Variants in PITPNC1 observed in about 807,000 individuals in gnomAD.
PITPNC1 encodes the protein phosphatidylinositol transfer protein cytoplasmic 1.
A neutral mutation model predicts 44.7 loss-of-function variants in PITPNC1; 18 were observed. The ratio of observed to expected loss-of-function variants is 0.40; its 90% CI spans 0.28 to 0.60. The LOEUF is 0.60. PITPNC1 is among the 20% of genes least tolerant of loss of function. PITPNC1 has a pLI of 0.39. For missense variants in PITPNC1, 290 were observed against 418.4 expected, an observed-to-expected ratio of 0.69 and a Z score of 2.68; for synonymous variants, 141 against 149.6, an observed-to-expected ratio of 0.94 and a Z score of 0.42.
At chr17:67,627,506 T>C (rs907658920) in intron 5 of PITPNC1, among the ~76,000 whole-genome samples, 1 of 152,228 alleles carries the variant, frequency 6.6e-6, no homozygotes, top group Admixed American at 6.5e-5. Flanking sequence ...GCCTTAGCTA[T>C]TCAACAGAGG....
chr17:67,540,270 A>AT (rs1476157913), intron 2 of PITPNC1, among the ~76,000 whole-genome samples: 1 of 151,926 alleles, frequency 6.6e-6, no homozygotes, highest in Non-Finnish European at 1.5e-5. Context: ...CGCCTGGCTA[A>AT]TTTGTGTATG....
intron 5 of PITPNC1, among the ~76,000 whole-genome samples, chr17:67,610,145 G>A (rs1160101314): frequency 6.6e-6 from 1 of 152,176 alleles, no homozygotes; most frequent in East Asian, 1.9e-4. Context: ...GGATACGAGA[G>A]TGTTAAGTGC....
intron 6 of PITPNC1, among the ~76,000 whole-genome samples, chr17:67,632,639 C>T (rs1226930845): frequency 3.0e-5 from 4 of 134,916 alleles, no homozygotes; most frequent in Non-Finnish European, 6.1e-5. Flanking sequence ...GTGGTGTGAT[C>T]TCACTGTGGC....
chr17:67,679,885 A>G (rs2042671359), intron 8 of PITPNC1, among the ~76,000 whole-genome samples: 1 of 152,236 alleles, frequency 6.6e-6, no homozygotes, highest in Admixed American at 6.5e-5. Flanking sequence ...GTTTTGCTTT[A>G]CAAATCTGAC....
intron 4 of PITPNC1, among the ~76,000 whole-genome samples, chr17:67,558,576 A>G (rs1208503252): frequency 6.6e-6 from 1 of 152,182 alleles, no homozygotes; most frequent in Admixed American, 6.6e-5. Flanking sequence ...AGGAATTTGA[A>G]AACTTAAGTT....
intron 2 of PITPNC1, among the ~76,000 whole-genome samples, chr17:67,540,277 T>C (rs1201681503): frequency 6.6e-6 from 1 of 151,970 alleles, no homozygotes; most frequent in Non-Finnish European, 1.5e-5. Context: ...CTAATTTGTG[T>C]ATGTTTTAGT....
intron 5 of PITPNC1, among the ~76,000 whole-genome samples, chr17:67,622,381 CAT>C (rs57000667): frequency 0.033 from 4,847 of 147,724 alleles, 241 homozygotes; most frequent in African/African-American, 0.11. Context: ...ATTGTATATT[CAT>C]ATATATATAT....
Position 67,514,527 on chromosome 17 carries a change from T to C in PITPNC1, c.49-18275T>C, listed in dbSNP as rs932383774. ...TCACGGTTCTTGATAACTGATCAAC[T>C]GTGAAAGTCAAGGGAAGCCGGGTGC... On this transcript the variant is annotated intron_variant, in intron 1 of 8. Coordinates refer to ENST00000581322, the MANE Select transcript of PITPNC1 (RefSeq NM_012417.4). 1.5e-4 allele frequency among the ~76,000 whole-genome samples: 22 copies of C among 150,688 alleles called. No homozygotes were observed. The East Asian group carries it at 4.2e-3, about 29-fold the overall frequency.
At chr17:67,463,849 G>T (rs1233282191) in intron 1 of PITPNC1, among the ~76,000 whole-genome samples, 1 of 151,842 alleles carries the variant, frequency 6.6e-6, no homozygotes, top group Non-Finnish European at 1.5e-5. Context: ...AGAGCTTGCA[G>T]CACCACTGCA....
At chr17:67,447,892 CTCTT>C (rs1004222037) in intron 1 of PITPNC1, among the ~76,000 whole-genome samples, 6 of 147,394 alleles carry the variant, frequency 4.1e-5, no homozygotes, top group South Asian at 2.1e-4. Flanking sequence ...TCCCAGCTAT[CTCTT>C]TCTTTCTTTC....
At chr17:67,395,844 C>T (rs1282796749) in intron 1 of PITPNC1, among the ~76,000 whole-genome samples, 4 of 152,136 alleles carry the variant, frequency 2.6e-5, no homozygotes, top group Non-Finnish European at 5.9e-5. Flanking sequence ...ATTTAGTCAT[C>T]GGGGTACAGA....
chr17:67,650,567 G>A (rs1043726067), intron 6 of PITPNC1, among the ~76,000 whole-genome samples: 1 of 146,900 alleles, frequency 6.8e-6, no homozygotes, highest in African/African-American at 2.5e-5. Context: ...TCCTGCCTCA[G>A]CCTCCTGAGT....
intron 5 of PITPNC1, among the ~76,000 whole-genome samples, chr17:67,615,395 C>T (rs2041744567): frequency 6.6e-6 from 1 of 152,164 alleles, no homozygotes; most frequent in African/African-American, 2.4e-5. Context: ...CCTCGGGACG[C>T]TTGCTTGGTG....
At chr17:67,534,082 A>C (rs2040497353) in intron 2 of PITPNC1, among the ~76,000 whole-genome samples, 1 of 151,780 alleles carries the variant, frequency 6.6e-6, no homozygotes, top group African/African-American at 2.4e-5. Flanking sequence ...TTTAGTAGAG[A>C]CGGGATTCCA....
chr17:67,421,892 A>G (rs1166985370), intron 1 of PITPNC1, among the ~76,000 whole-genome samples: 1 of 152,228 alleles, frequency 6.6e-6, no homozygotes, highest in African/African-American at 2.4e-5. Flanking sequence ...CTCACCCTCT[A>G]ACACAGCCAA....
intron 1 of PITPNC1, among the ~76,000 whole-genome samples, chr17:67,414,954 C>T (rs780319700): frequency 4.6e-5 from 7 of 152,070 alleles, no homozygotes; most frequent in Non-Finnish European, 8.8e-5. Flanking sequence ...GATCTTGGCT[C>T]ACTGCAACCT....
intron 1 of PITPNC1, among the ~76,000 whole-genome samples, chr17:67,440,498 T>TTTTATTTATTTA (rs59003947): frequency 7.3e-6 from 1 of 137,574 alleles, no homozygotes; most frequent in African/African-American, 2.7e-5. Flanking sequence ...TTGCAAGACT[T>TTTTATTTATTTA]TTTATTTATT....
At chr17:67,628,029 C>T (rs1567747520) in intron 5 of PITPNC1, among the ~76,000 whole-genome samples, 2 of 150,876 alleles carry the variant, frequency 1.3e-5, no homozygotes, top group Non-Finnish European at 1.5e-5. Flanking sequence ...CGAGTTCAAG[C>T]GATTCTCATG....
At chr17:67,398,989 G>GTAGT (rs2038263969) in intron 1 of PITPNC1, among the ~76,000 whole-genome samples, 2 of 142,586 alleles carry the variant, frequency 1.4e-5, no homozygotes, top group South Asian at 4.7e-4. Flanking sequence ...AACTTCTCGT[G>GTAGT]TAGTTGTAAG....
Sources: allele counts gnomAD v4.1 joint callset (sites outside exome capture counted in the v4.1 genomes callset), GRCh38; gene constraint gnomAD v4.1.1; transcripts MANE v1.5; gene names NCBI Gene and HGNC (gene_info 2026-07-23, HGNC 2026-07-21).